Variants in LARGE1 observed in about 807,000 individuals in gnomAD.
The protein encoded by LARGE1 is xylosyl- and glucuronyltransferase LARGE1.
In LARGE1, 43 loss-of-function variants were observed where a neutral mutation model predicts 87.6. The observed-to-expected ratio is 0.49, with a 90% CI of 0.38 to 0.63. The LOEUF (loss-of-function observed/expected upper bound fraction) is 0.63, where lower values mean the gene tolerates loss of function less well. Ranked by LOEUF, LARGE1 falls within the 30% of genes least tolerant of loss-of-function variation. LARGE1 has a pLI of 0.00. For missense variants in LARGE1, 802 were observed against 1,000.2 expected (o/e 0.80, Z 2.67); for synonymous variants, 434 against 394.6 (o/e 1.10, Z -1.18).
At chr22:33,194,502 G>T (rs1000440349) in intron 11 of LARGE1, among the ~76,000 whole-genome samples, 2 of 152,012 alleles carry the variant, frequency 1.3e-5, no homozygotes, top group African/African-American at 4.8e-5. Context: ...ATTAAATTTT[G>T]GATTTTAGTC....
the LARGE1 span, among the ~76,000 whole-genome samples, chr22:33,073,470 C>T: frequency 6.6e-6 from 1 of 152,136 alleles, no homozygotes; most frequent in Non-Finnish European, 1.5e-5. Context: ...AAGACCAATA[C>T]ATGGAATCCA....
chr22:33,461,774 T>G (rs1004725159), intron 6 of LARGE1, among the ~76,000 whole-genome samples: 1 of 151,736 alleles, frequency 6.6e-6, no homozygotes, highest in African/African-American at 2.4e-5. Context: ...TTGTTTACTC[T>G]CTTTGGGAGA....
chr22:33,821,237 T>C (rs4821186), intron 1 of LARGE1, among the ~76,000 whole-genome samples: 120,253 of 152,048 alleles, frequency 0.79, 48,085 homozygotes, highest in African/African-American at 0.91. Context: ...GCACAGACGA[T>C]GTTGGTTATC....
intron 6 of LARGE1, among the ~76,000 whole-genome samples, chr22:33,462,833 T>C (rs2068435200): frequency 6.6e-6 from 1 of 152,090 alleles, no homozygotes; most frequent in Non-Finnish European, 1.5e-5. Context: ...GGCTATCTAA[T>C]TAATGAAATT....
At chr22:33,117,879 C>T in the LARGE1 span, among the ~76,000 whole-genome samples, 1 of 152,130 alleles carries the variant, frequency 6.6e-6, no homozygotes, top group African/African-American at 2.4e-5. Flanking sequence ...CTGCTAAGTG[C>T]AATCATAACT....
intron 1 of LARGE1, among the ~76,000 whole-genome samples, chr22:33,815,880 C>T (rs8135517): frequency 0.043 from 6,494 of 152,114 alleles, 458 homozygotes; most frequent in African/African-American, 0.15. Context: ...GGAGAGGTGC[C>T]GTGGAAGTAA....
At chr22:33,886,028 CAATAAATA>C (rs563644263) in intron 1 of LARGE1, among the ~76,000 whole-genome samples, 1 of 151,498 alleles carries the variant, frequency 6.6e-6, no homozygotes, top group Non-Finnish European at 1.5e-5. Context: ...AGACTCTGGT[CAATAAATA>C]AATAAATAAA....
intron 1 of LARGE1, among the ~76,000 whole-genome samples, chr22:33,878,129 CTTTTTTTTTTTTT>C (rs1186663464): frequency 4.5e-5 from 2 of 44,652 alleles, no homozygotes; most frequent in South Asian, 8.8e-4. Flanking sequence ...TATTGTATTT[CTTTTTTTTTTTTT>C]TTTTTTTTTT....
At chr22:33,139,372 T>C in the LARGE1 span, among the ~76,000 whole-genome samples, 6 of 152,172 alleles carry the variant, frequency 3.9e-5, no homozygotes, top group African/African-American at 1.4e-4. Flanking sequence ...TCTTGCTGAT[T>C]TGTCTACTCC....
intron 6 of LARGE1, among the ~76,000 whole-genome samples, chr22:33,479,327 A>G (rs1315735869): frequency 6.6e-6 from 1 of 152,184 alleles, no homozygotes; most frequent in Non-Finnish European, 1.5e-5. Flanking sequence ...GCACCTGATG[A>G]GCATTCAGCA....
intron 12 of LARGE1, among the ~76,000 whole-genome samples, chr22:33,285,652 C>A (rs147275812): frequency 4.0e-5 from 6 of 150,552 alleles, no homozygotes; most frequent in Admixed American, 1.3e-4. Flanking sequence ...AACAAAAAAA[C>A]CTTGTCCTCC....
chr22:33,859,640 A>G (rs4821194), intron 1 of LARGE1, among the ~76,000 whole-genome samples: 64,788 of 152,082 alleles, frequency 0.43, 14,913 homozygotes, highest in African/African-American at 0.6. Context: ...CGGGGCTTAA[A>G]TCCAGGTATG....
intron 11 of LARGE1, among the ~76,000 whole-genome samples, chr22:33,309,370 T>C (rs1366153507): frequency 6.6e-6 from 1 of 152,190 alleles, no homozygotes; most frequent in African/African-American, 2.4e-5. Flanking sequence ...TTTCGCCATG[T>C]TGGCCAGGCT....
intron 6 of LARGE1, among the ~76,000 whole-genome samples, chr22:33,509,921 T>C (rs960578921): frequency 6.6e-6 from 1 of 152,200 alleles, no homozygotes; most frequent in Admixed American, 6.5e-5. Flanking sequence ...ATGACAATTT[T>C]GCATTTGGGA....
chr22:33,618,123 G>T (rs2079633733), intron 4 of LARGE1, among the ~76,000 whole-genome samples: 1 of 152,230 alleles, frequency 6.6e-6, no homozygotes, highest in Admixed American at 6.5e-5. Flanking sequence ...TGCACTTACA[G>T]ATTTAATAGG....
rs545002248 is a variant in LARGE1 at position 33,826,428 on chromosome 22, C to G, written c.-82-64870G>C. On this transcript the variant is annotated intron_variant, in intron 1 of 14. Transcript: ENST00000397394. The stretch of plus-strand genomic sequence containing the variant: ...CGCAATCTCGGCTCGCTGCAACCTC[C>G]GCCTCCTGGGTTCAAGCAGTTCTCC... Among the ~76,000 whole-genome samples the G allele has an allele frequency of 1.1e-3, 165 of 151,768 alleles. 2 individuals carry two copies. The highest frequency in any genetic ancestry group is 4.0e-3 in the South Asian group (19 of 4,784).
the LARGE1 span, among the ~76,000 whole-genome samples, chr22:33,119,619 G>T: frequency 3.3e-5 from 5 of 151,958 alleles, no homozygotes; most frequent in Non-Finnish European, 7.4e-5. Flanking sequence ...AAGCCAATTT[G>T]AATAGATTCC....
intron 9 of LARGE1, among the ~76,000 whole-genome samples, chr22:33,351,786 G>T (rs1940405639): frequency 6.6e-6 from 1 of 151,574 alleles, no homozygotes; most frequent in Admixed American, 6.6e-5. Flanking sequence ...GAGTCACCCA[G>T]GCTGGTGTGC....
At chr22:33,150,816 C>T in the LARGE1 span, among the ~76,000 whole-genome samples, 1 of 152,154 alleles carries the variant, frequency 6.6e-6, no homozygotes, top group African/African-American at 2.4e-5. Flanking sequence ...GTGAGCATAT[C>T]TCTTTGTCAT....
Sources: gnomAD v4.1 joint callset for allele counts (sites outside exome capture counted in the v4.1 genomes callset) on GRCh38, gnomAD v4.1.1 for gene constraint, MANE v1.5 for transcripts, NCBI Gene and HGNC (gene_info 2026-07-23, HGNC 2026-07-21) for gene names.